Variants in SYNPO2 observed in about 807,000 individuals in gnomAD.
SYNPO2 encodes the protein synaptopodin 2.
A neutral mutation model predicts 85.0 loss-of-function variants in SYNPO2; 56 were observed. The observed-to-expected ratio is 0.66, with a 90% confidence interval of 0.53 to 0.82. SYNPO2 has a LOEUF of 0.82. Ranked by LOEUF, SYNPO2 falls within the 40% of genes least tolerant of loss-of-function variation. SYNPO2 has a pLI of 0.00. For missense variants in SYNPO2, 1,575 were observed against 1,534.2 expected (o/e 1.03, Z -0.44); for synonymous variants, 602 against 591.1 (o/e 1.02, Z -0.27).
chr4:119,036,938 G>T (rs1018826007), intron 4 of SYNPO2: 6 of 1,217,956 alleles, frequency 4.9e-6, no homozygotes, highest in Middle Eastern at 3.2e-4. Flanking sequence ...AGTATACAGG[G>T]GAGAAAGCTA....
rs144720853 is a variant in SYNPO2, at chr4:118,991,095, C to T, written c.106-32335C>T. On this transcript the variant is annotated intron_variant, in intron 1 of 4. Coordinates refer to ENST00000307142, the MANE Select transcript of SYNPO2 (RefSeq NM_133477.3). The stretch of plus-strand genomic sequence containing the variant: ...AGGACTTTAAATTCAACTTCCCGGG[C>T]CTAGTTCTGGCCTAATTAAATGACT... 1.1e-3 allele frequency among the ~76,000 whole-genome samples: 169 copies of T among 152,258 alleles called. 1 individual carries two copies. Among genetic ancestry groups the T allele is most frequent in the Admixed American group, 9.7e-3 (148 of 15,294 alleles).
At chr4:118,931,165 A>G (rs1733919978) in intron 1 of SYNPO2, among the ~76,000 whole-genome samples, 2 of 152,144 alleles carry the variant, frequency 1.3e-5, no homozygotes, top group African/African-American at 4.8e-5. Context: ...TTTCAATGAA[A>G]AAAGAATACA....
chr4:119,046,466 G>T (rs567883556), intron 4 of SYNPO2, among the ~76,000 whole-genome samples: 26 of 152,334 alleles, frequency 1.7e-4, no homozygotes, highest in African/African-American at 6.3e-4. Flanking sequence ...TCGGAGGCGT[G>T]CACTGCTAAT....
At chr4:118,925,400 A>T (rs1733678528) in intron 1 of SYNPO2, among the ~76,000 whole-genome samples, 1 of 149,218 alleles carries the variant, frequency 6.7e-6, no homozygotes, top group Admixed American at 6.7e-5. Context: ...ACACCTTGTC[A>T]TTTTTTTTTT....
chr4:118,899,996 A>AGG (rs1333684062), intron 1 of SYNPO2, among the ~76,000 whole-genome samples: 1 of 152,180 alleles, frequency 6.6e-6, no homozygotes, highest in Non-Finnish European at 1.5e-5. Context: ...TCCTGACTTT[A>AGG]GGGGATCCAC....
Position 118,881,119 on chromosome 4 carries a change from G to A in SYNPO2, c.12+30179G>A, listed in dbSNP as rs559879531. On this transcript the variant is annotated intron_variant, in intron 1 of 4. Transcript: ENST00000610556. ...AGATCCAGACCATCCTGGCTAACAC[G>A]GTGAAACCTCGTCTCTACTAAAAAT... is the stretch of plus-strand genomic sequence containing the variant. 3.9e-5 allele frequency among the ~76,000 whole-genome samples: 6 copies of A among 151,996 alleles called. No homozygotes were observed. The East Asian group carries it at 9.7e-4, about 25-fold the overall frequency.
intron 1 of SYNPO2, among the ~76,000 whole-genome samples, chr4:118,857,581 T>TA (rs200309258): frequency 6.6e-6 from 1 of 151,300 alleles, no homozygotes; most frequent in Non-Finnish European, 1.5e-5. Context: ...GAATTTTTTT[T>TA]AAAAAAATCA....
chr4:118,961,608 G>C (rs1735098427), intron 1 of SYNPO2, among the ~76,000 whole-genome samples: 1 of 152,054 alleles, frequency 6.6e-6, no homozygotes. Context: ...TTCCTATATA[G>C]CTCTAATTTA....
At chr4:118,991,774 A>T (rs1231220464) in intron 1 of SYNPO2, among the ~76,000 whole-genome samples, 1 of 152,176 alleles carries the variant, frequency 6.6e-6, no homozygotes, top group Non-Finnish European at 1.5e-5. Flanking sequence ...TTCTGGCCTC[A>T]TATCATCAAA....
intron 1 of SYNPO2, among the ~76,000 whole-genome samples, chr4:118,910,453 T>A (rs1323517541): frequency 6.6e-6 from 1 of 152,236 alleles, no homozygotes; most frequent in Non-Finnish European, 1.5e-5. Flanking sequence ...CCCTTAATCT[T>A]TATGAGCCCA....
At chr4:118,863,084 T>C (rs549931800) in intron 1 of SYNPO2, among the ~76,000 whole-genome samples, 54 of 152,302 alleles carry the variant, frequency 3.5e-4, no homozygotes, top group African/African-American at 1.2e-3. Flanking sequence ...GCTGGGATTA[T>C]AGGCGTGAGC....
intron 1 of SYNPO2, among the ~76,000 whole-genome samples, chr4:118,899,084 C>G (rs182610313): frequency 2.5e-3 from 376 of 152,352 alleles, no homozygotes; most frequent in African/African-American, 7.4e-3. Context: ...TGAGCTCCCA[C>G]GTGCAGCCTG....
intron 1 of SYNPO2, among the ~76,000 whole-genome samples, chr4:118,892,491 T>C (rs562891361): frequency 6.6e-6 from 1 of 152,290 alleles, no homozygotes; most frequent in South Asian, 2.1e-4. Context: ...AAAAAGAATG[T>C]GAGCACTTCT....
intron 1 of SYNPO2, among the ~76,000 whole-genome samples, chr4:118,926,605 A>G (rs1371044910): frequency 6.6e-6 from 1 of 152,188 alleles, no homozygotes; most frequent in African/African-American, 2.4e-5. Flanking sequence ...GCAAATCTAT[A>G]CAAAAACACA....
intron 1 of SYNPO2, among the ~76,000 whole-genome samples, chr4:118,899,027 G>T (rs1003263445): frequency 1.3e-5 from 2 of 152,146 alleles, no homozygotes; most frequent in Non-Finnish European, 2.9e-5. Flanking sequence ...AGTCGGAGGG[G>T]AGCACTTGCT....
intron 1 of SYNPO2, among the ~76,000 whole-genome samples, chr4:118,875,374 TATC>T (rs147294174): frequency 0.016 from 2,461 of 152,316 alleles, 69 homozygotes; most frequent in African/African-American, 0.052. Context: ...AATTTTGTAA[TATC>T]ATATTTTACA....
At chr4:118,984,687 C>A (rs1225517706) in intron 1 of SYNPO2, among the ~76,000 whole-genome samples, 1 of 152,206 alleles carries the variant, frequency 6.6e-6, no homozygotes, top group East Asian at 1.9e-4. Flanking sequence ...TTTCCAGATC[C>A]CAGCATTTAG....
In SYNPO2 at chr4:119,023,504, T is replaced by C; in HGVS notation, c.180T>C (p.Pro60=). 6.2e-7 allele frequency: 1 copy of C among 1,614,094 alleles called. No individual in the cohort carries two copies. The highest frequency in any genetic ancestry group is 1.1e-5 in the South Asian group (1 of 91,072). The part of the protein sequence containing the change: ...GDEVVSINGN[P]CADLTYPEVI... ...AAGTGGTTTCCATCAATGGCAACCC[T>C]TGTGCAGATCTCACCTACCCTGAAG... The change falls in exon 2 of 5, where the codon CCT becomes CCC. Residue 60 remains proline, a synonymous_variant. Coordinates refer to ENST00000307142, the MANE Select transcript of SYNPO2 (RefSeq NM_133477.3).
intron 1 of SYNPO2, among the ~76,000 whole-genome samples, chr4:118,967,059 A>G (rs1482347596): frequency 6.6e-6 from 1 of 152,230 alleles, no homozygotes; most frequent in African/African-American, 2.4e-5. Flanking sequence ...AATAGTTTAC[A>G]AAGATTAATT....
Sources: gnomAD v4.1 joint callset for allele counts (sites outside exome capture counted in the v4.1 genomes callset) on GRCh38, gnomAD v4.1.1 for gene constraint, MANE v1.5 for transcripts, NCBI Gene and HGNC (gene_info 2026-07-23, HGNC 2026-07-21) for gene names.